Variants in THSD7B observed in about 807,000 individuals in gnomAD.
THSD7B encodes the protein thrombospondin type-1 domain-containing protein 7B.
THSD7B carries 138 observed loss-of-function variants against 213.6 expected under a neutral mutation model. That is an observed-to-expected ratio of 0.65 (90% confidence interval 0.56 to 0.74). The LOEUF is 0.74. Ranked by LOEUF, THSD7B falls within the 30% of genes least tolerant of loss-of-function variation. The pLI is 0.00. For missense variants in THSD7B, 1,931 were observed against 1,991.5 expected, an observed-to-expected ratio of 0.97 and a Z score of 0.58; for synonymous variants, 742 against 687.0, an observed-to-expected ratio of 1.08 and a Z score of -1.25.
At chr2:137,571,792 A>G (rs978890267) in intron 16 of THSD7B, among the ~76,000 whole-genome samples, 1 of 152,230 alleles carries the variant, frequency 6.6e-6, no homozygotes, top group South Asian at 2.1e-4. Flanking sequence ...TAATTGCTGC[A>G]TGAAAATACT....
intron 12 of THSD7B, among the ~76,000 whole-genome samples, chr2:137,345,349 A>G (rs1271611260): frequency 6.6e-6 from 1 of 151,766 alleles, no homozygotes; most frequent in Non-Finnish European, 1.5e-5. Context: ...ATAATTGCAT[A>G]GTACCTTCAG....
At chr2:137,153,924 T>G (rs1679862999) in intron 5 of THSD7B, among the ~76,000 whole-genome samples, 1 of 152,182 alleles carries the variant, frequency 6.6e-6, no homozygotes, top group African/African-American at 2.4e-5. Context: ...TGGTTGTTTC[T>G]TGAAAAGCCC....
At chr2:136,843,240 G>A (rs1682945747) in intron 1 of THSD7B, among the ~76,000 whole-genome samples, 1 of 152,094 alleles carries the variant, frequency 6.6e-6, no homozygotes, top group Admixed American at 6.6e-5. Flanking sequence ...CATTGTTACA[G>A]TTATTGGTGT....
chr2:137,344,206 C>T (rs184887277), intron 12 of THSD7B, among the ~76,000 whole-genome samples: 1 of 151,742 alleles, frequency 6.6e-6, no homozygotes, highest in East Asian at 1.9e-4. Flanking sequence ...TCCCCCATAT[C>T]TGTGGAAAAA....
intron 2 of THSD7B, among the ~76,000 whole-genome samples, chr2:136,935,651 A>T (rs1241973884): frequency 6.6e-6 from 1 of 152,032 alleles, no homozygotes; most frequent in Admixed American, 6.6e-5. Context: ...ACCCAGTGTC[A>T]TTTCTCCAGT....
chr2:137,150,264 G>GAAAAAAAAAAA (rs60173278), intron 5 of THSD7B, among the ~76,000 whole-genome samples: 2 of 149,918 alleles, frequency 1.3e-5, no homozygotes, highest in African/African-American at 2.5e-5. Context: ...AAAAGAAAAA[G>GAAAAAAAAAAA]AAAAAGAAAG....
chr2:137,471,166 C>A (rs1688087363), intron 15 of THSD7B, among the ~76,000 whole-genome samples: 1 of 151,998 alleles, frequency 6.6e-6, no homozygotes, highest in Non-Finnish European at 1.5e-5. Context: ...GGTGATCCAC[C>A]AGCCTCGGCC....
intron 7 of THSD7B, among the ~76,000 whole-genome samples, chr2:137,228,631 T>C (rs1433508004): frequency 6.6e-6 from 1 of 152,186 alleles, no homozygotes; most frequent in Non-Finnish European, 1.5e-5. Flanking sequence ...TGCTGATCCT[T>C]CCAACGCCTG....
intron 12 of THSD7B, among the ~76,000 whole-genome samples, chr2:137,365,950 A>G (rs1420385219): frequency 6.6e-6 from 1 of 152,226 alleles, no homozygotes; most frequent in African/African-American, 2.4e-5. Flanking sequence ...ATGTATGTTT[A>G]TTGTGGCACC....
At chr2:137,388,151 C>A (rs1015307725) in intron 12 of THSD7B, among the ~76,000 whole-genome samples, 1 of 151,984 alleles carries the variant, frequency 6.6e-6, no homozygotes, top group Non-Finnish European at 1.5e-5. Flanking sequence ...TTTTTTCCTA[C>A]CATTTCTTAC....
At chr2:136,954,740 T>TAAAAAAAAAG (rs773677139) in intron 2 of THSD7B, among the ~76,000 whole-genome samples, 30 of 137,466 alleles carry the variant, frequency 2.2e-4, no homozygotes, top group East Asian at 1.1e-3. Flanking sequence ...AAAAAGAAAT[T>TAAAAAAAAAG]ACATAAGAGC....
chr2:137,010,710 TG>T (rs1477212150), intron 2 of THSD7B, among the ~76,000 whole-genome samples: 1 of 152,186 alleles, frequency 6.6e-6, no homozygotes, highest in African/African-American at 2.4e-5. Context: ...TATTACTGAA[TG>T]CCTACTTTTC....
intron 7 of THSD7B, among the ~76,000 whole-genome samples, chr2:137,201,890 A>G (rs1484976950): frequency 6.6e-6 from 1 of 152,110 alleles, no homozygotes; most frequent in Non-Finnish European, 1.5e-5. Flanking sequence ...CCCTTTTCAA[A>G]TCTTTATCAG....
In THSD7B at chr2:137,616,180, C is replaced by T. The variant is rs775388843; in HGVS notation, c.3429C>T (p.Cys1143=). Reference sequence around the variant, plus strand: ...TCCTACTCTGATTTTAATAGTCATGCGATCCCCACACAATGCAGAGAAGAA... The same window carrying T: ...TCCTACTCTGATTTTAATAGTCATGTGATCCCCACACAATGCAGAGAAGAA... ...WGLWSKCPQS[C]DPHTMQRRTR... is the part of the protein sequence containing the mutation. Residue 1143 remains cysteine, a synonymous_variant, in exon 18 of 28, where the codon TGC becomes TGT. Coordinates refer to ENST00000409968, the MANE Select transcript of THSD7B (RefSeq NM_001316349.2). 5.6e-6 allele frequency: 9 copies of T among 1,611,032 alleles called. No individual in the cohort carries two copies. The highest frequency in any genetic ancestry group is 2.2e-5 in the East Asian group (1 of 44,844).
intron 6 of THSD7B, among the ~76,000 whole-genome samples, chr2:137,167,518 C>A (rs1278060722): frequency 6.6e-6 from 1 of 152,132 alleles, no homozygotes; most frequent in Non-Finnish European, 1.5e-5. Flanking sequence ...TCCACTAACT[C>A]ATGCAGAAAT....
intron 16 of THSD7B, among the ~76,000 whole-genome samples, chr2:137,565,313 G>A (rs1681213106): frequency 6.6e-6 from 1 of 152,140 alleles, no homozygotes; most frequent in Admixed American, 6.6e-5. Context: ...TTAGGCTCAT[G>A]GCTCTGGAGG....
At chr2:137,025,461 A>G (rs979083412) in intron 2 of THSD7B, among the ~76,000 whole-genome samples, 22 of 152,052 alleles carry the variant, frequency 1.4e-4, no homozygotes, top group Admixed American at 1.1e-3. Context: ...TTATGTGTGG[A>G]TGTCGATTAT....
intron 14 of THSD7B, among the ~76,000 whole-genome samples, chr2:137,426,762 A>T (rs1687065189): frequency 6.6e-6 from 1 of 152,182 alleles, no homozygotes; most frequent in African/African-American, 2.4e-5. Context: ...TTTGGATATG[A>T]CGCCAAAAAT....
intron 17 of THSD7B, among the ~76,000 whole-genome samples, chr2:137,610,621 A>C (rs1207080816): frequency 6.6e-6 from 1 of 152,156 alleles, no homozygotes; most frequent in Non-Finnish European, 1.5e-5. Flanking sequence ...TGACTCAGAC[A>C]CTAGCTTTTG....
Sources: gnomAD v4.1 joint callset for allele counts (sites outside exome capture counted in the v4.1 genomes callset) on GRCh38, gnomAD v4.1.1 for gene constraint, MANE v1.5 for transcripts, NCBI Gene and HGNC (gene_info 2026-07-23, HGNC 2026-07-21) for gene names.